The following PDE10A variants were observed in gnomAD, a reference collection of about 807,000 sequenced individuals.
The protein encoded by PDE10A is phosphodiesterase 10A.
Under a neutral mutation model 97.7 loss-of-function variants are expected in PDE10A, and 39 were observed. That is an observed-to-expected ratio of 0.40 (90% CI 0.31 to 0.52). PDE10A has a LOEUF of 0.52. PDE10A is among the 20% of genes least tolerant of loss of function. The pLI, the probability that PDE10A is intolerant of heterozygous loss-of-function variation, is 0.56. For missense variants in PDE10A, 731 were observed against 1,047.8 expected, an observed-to-expected ratio of 0.70 and a Z score of 4.17; for synonymous variants, 371 against 376.8, an observed-to-expected ratio of 0.98 and a Z score of 0.18.
chr6:165,485,970 C>A (rs1012814100), intron 2 of PDE10A, among the ~76,000 whole-genome samples: 4 of 152,178 alleles, frequency 2.6e-5, no homozygotes, highest in Non-Finnish European at 5.9e-5. Context: ...GTTGATCCTG[C>A]CTGCTGCTAA....
chr6:165,734,955 TA>T (rs1792527548), intron 1 of PDE10A, among the ~76,000 whole-genome samples: 1 of 61,730 alleles, frequency 1.6e-5, no homozygotes, highest in African/African-American at 7.0e-5. Flanking sequence ...AGAAAGTAGA[TA>T]GATAGATAGA....
At chr6:165,407,376 C>T (rs1456304415) in intron 13 of PDE10A, among the ~76,000 whole-genome samples, 3 of 151,862 alleles carry the variant, frequency 2.0e-5, no homozygotes, top group Non-Finnish European at 4.4e-5. Flanking sequence ...AAATTCTATA[C>T]ATCCATTTTT....
chr6:165,335,102 A>G (rs1781572108), intron 21 of PDE10A, among the ~76,000 whole-genome samples: 2 of 152,234 alleles, frequency 1.3e-5, no homozygotes, highest in African/African-American at 4.8e-5. Flanking sequence ...TGACTTCCTC[A>G]GAGGGAATTT....
At chr6:165,358,684 G>T (rs1284368502) in intron 18 of PDE10A, among the ~76,000 whole-genome samples, 1 of 151,634 alleles carries the variant, frequency 6.6e-6, no homozygotes, top group East Asian at 1.9e-4. Flanking sequence ...TAATTTAATT[G>T]TTGGTTTTAT....
At chr6:165,416,046 T>C (rs1583239617) in intron 12 of PDE10A, 143 bp downstream of exon 12, 1 of 645,030 alleles carries the variant, frequency 1.6e-6, no homozygotes, top group Non-Finnish European at 2.8e-6. Flanking sequence ...TGACTATTGA[T>C]AGCAGAGTTG....
At chr6:165,676,980 C>T (rs975056615) in intron 1 of PDE10A, among the ~76,000 whole-genome samples, 4 of 152,212 alleles carry the variant, frequency 2.6e-5, no homozygotes, top group Non-Finnish European at 5.9e-5. Context: ...ATTCTGATAA[C>T]GACTTTCCAA....
At chr6:165,719,834 G>A (rs947597938) in intron 1 of PDE10A, among the ~76,000 whole-genome samples, 1 of 152,218 alleles carries the variant, frequency 6.6e-6, no homozygotes, top group Non-Finnish European at 1.5e-5. Flanking sequence ...ACTAATTGCA[G>A]GGAAAAGACA....
At chr6:165,413,781 AATTTACAT>A (rs1437017239) in intron 12 of PDE10A, 94 bp from the exon 13 acceptor site, 2 of 945,558 alleles carry the variant, frequency 2.1e-6, no homozygotes, top group African/African-American at 3.3e-5. Flanking sequence ...CAATCTTTGC[AATTTACAT>A]ATGCTTCTAT....
chr6:165,709,081 A>T (rs1582969678), intron 1 of PDE10A, among the ~76,000 whole-genome samples: 1 of 98,432 alleles, frequency 1.0e-5, no homozygotes, highest in Non-Finnish European at 2.1e-5. Context: ...TCTTCCTCCC[A>T]CTCTCCACCC....
At chr6:165,909,916 T>C (rs374221239) in intron 1 of PDE10A, among the ~76,000 whole-genome samples, 2 of 152,272 alleles carry the variant, frequency 1.3e-5, no homozygotes, top group African/African-American at 4.8e-5. Flanking sequence ...TTCCTTCTTT[T>C]TCTCTACAAA....
intron 3 of PDE10A, among the ~76,000 whole-genome samples, chr6:165,481,069 T>C (rs369977666): frequency 6.6e-6 from 1 of 152,196 alleles, no homozygotes; most frequent in East Asian, 1.9e-4. Context: ...GTATGTGGTA[T>C]TGTCAATGAC....
intron 1 of PDE10A, among the ~76,000 whole-genome samples, chr6:165,843,431 C>A (rs374754608): frequency 6.6e-6 from 1 of 152,202 alleles, no homozygotes; most frequent in Non-Finnish European, 1.5e-5. Context: ...CTACCCTAGG[C>A]TCGGTAATTT....
intron 1 of PDE10A, among the ~76,000 whole-genome samples, chr6:165,956,702 G>T (rs1043210340): frequency 3.9e-5 from 6 of 152,174 alleles, no homozygotes; most frequent in Non-Finnish European, 8.8e-5. Flanking sequence ...ATTAATACAA[G>T]GAGCTGGTGA....
At chr6:165,956,933 A>G (rs144890496) in intron 1 of PDE10A, among the ~76,000 whole-genome samples, 140 of 152,314 alleles carry the variant, frequency 9.2e-4, no homozygotes, top group African/African-American at 3.2e-3. Flanking sequence ...AGAGCATTTG[A>G]AGGAGTGGGG....
At chr6:165,346,433 C>T (rs570534616) in intron 18 of PDE10A, among the ~76,000 whole-genome samples, 3 of 152,204 alleles carry the variant, frequency 2.0e-5, no homozygotes, top group East Asian at 3.9e-4. Context: ...CCTTTCTCCC[C>T]GACTGCCATG....
chr6:165,861,033 T>C (rs1390063967), intron 1 of PDE10A, among the ~76,000 whole-genome samples: 2 of 152,350 alleles, frequency 1.3e-5, no homozygotes, highest in Admixed American at 6.5e-5. Context: ...CAGGTCAACA[T>C]AGACTGGGCT....
Position 165,558,810 on chromosome 6 carries a change from A to T in PDE10A, c.866-15242T>A, listed in dbSNP as rs1458753581. 2.0e-5 allele frequency among the ~76,000 whole-genome samples: 3 copies of T among 152,160 alleles called. No individual in the cohort carries two copies. In the East Asian group the frequency reaches 5.8e-4, roughly 29 times the overall value. On this transcript the variant is annotated intron_variant, in intron 1 of 21. Transcript: ENST00000539869. ...AGTTAGATGGATAAGCATGCTGCAA[A>T]GTCGATAAGGGTACAATGAACACGT...
chr6:165,472,116 T>G (rs1406546626), intron 3 of PDE10A, among the ~76,000 whole-genome samples: 1 of 152,152 alleles, frequency 6.6e-6, no homozygotes, highest in Non-Finnish European at 1.5e-5. Context: ...GCAAAAGCTT[T>G]TGGGCCTCAG....
intron 18 of PDE10A, among the ~76,000 whole-genome samples, chr6:165,369,252 C>A (rs576658968): frequency 1.3e-5 from 2 of 152,110 alleles, no homozygotes; most frequent in Non-Finnish European, 2.9e-5. Flanking sequence ...GAGCTGAGAG[C>A]AGAAGGCTTC....
Sources: gnomAD v4.1 joint callset for allele counts (sites outside exome capture counted in the v4.1 genomes callset) on GRCh38, gnomAD v4.1.1 for gene constraint, MANE v1.5 for transcripts, NCBI Gene and HGNC (gene_info 2026-07-23, HGNC 2026-07-21) for gene names.